RABGAP1L: variants seen among roughly 807,000 people sequenced by gnomAD.
RABGAP1L encodes rab GTPase-activating protein 1-like.
In RABGAP1L, 63 loss-of-function variants were observed where a neutral mutation model predicts 137.7. That is an observed-to-expected ratio of 0.46 (90% CI 0.37 to 0.56). The LOEUF (loss-of-function observed/expected upper bound fraction) is 0.56, where lower values mean the gene tolerates loss of function less well. Ranked by LOEUF, RABGAP1L falls within the 20% of genes least tolerant of loss-of-function variation. The pLI, the probability that RABGAP1L is intolerant of heterozygous loss-of-function variation, is 0.00. For synonymous variants in RABGAP1L, 431 were observed against 433.7 expected (o/e 0.99, Z 0.08); for missense variants, 1,095 against 1,244.0 (o/e 0.88, Z 1.80).
At chr1:174,988,924 G>A (rs149575940) in intron 25 of RABGAP1L, 86 bp downstream of exon 25, 6 of 1,216,274 alleles carry the variant, frequency 4.9e-6, no homozygotes, top group East Asian at 2.8e-5. Context: ...CACCTATCTA[G>A]GTCAGAATTG....
At chr1:174,358,996 C>T (rs1471768201) in intron 11 of RABGAP1L, among the ~76,000 whole-genome samples, 1 of 152,160 alleles carries the variant, frequency 6.6e-6, no homozygotes, top group Non-Finnish European at 1.5e-5. Flanking sequence ...CAGTATTTAA[C>T]CCAGCCAGAA....
chr1:174,548,724 A>G (rs191217765), intron 13 of RABGAP1L, among the ~76,000 whole-genome samples: 3 of 152,294 alleles, frequency 2.0e-5, no homozygotes, highest in African/African-American at 7.2e-5. Flanking sequence ...TTCAGATTCT[A>G]TATCCTTACC....
chr1:174,256,642 G>A (rs557486111), intron 7 of RABGAP1L, among the ~76,000 whole-genome samples: 10 of 152,270 alleles, frequency 6.6e-5, no homozygotes, highest in East Asian at 1.9e-4. Flanking sequence ...TTAGCTGGGC[G>A]TGGTGGCGGG....
chr1:174,780,106 A>T (rs1558070594), intron 18 of RABGAP1L, among the ~76,000 whole-genome samples: 1 of 94,060 alleles, frequency 1.1e-5, no homozygotes, highest in Non-Finnish European at 2.9e-5. Context: ...AAATAAATAA[A>T]TAAATAAATA....
At chr1:174,547,786 A>C in intron 13 of RABGAP1L, 2 of 1,423,006 alleles carry the variant, frequency 1.4e-6, no homozygotes, top group South Asian at 1.2e-5. Context: ...GCATCAGTTT[A>C]TTACCTATTA....
chr1:174,620,603 C>T (rs545388460), intron 13 of RABGAP1L, among the ~76,000 whole-genome samples: 72 of 152,190 alleles, frequency 4.7e-4, no homozygotes, highest in African/African-American at 1.5e-3. Context: ...AAAGACACAA[C>T]GTACCAGAAT....
intron 7 of RABGAP1L, among the ~76,000 whole-genome samples, chr1:174,259,691 A>G (rs1673416473): frequency 6.6e-6 from 1 of 152,218 alleles, no homozygotes; most frequent in Non-Finnish European, 1.5e-5. Context: ...TTGATTACCC[A>G]TGTTGGATAT....
intron 13 of RABGAP1L, among the ~76,000 whole-genome samples, chr1:174,585,576 C>T (rs1197620047): frequency 6.6e-6 from 1 of 152,178 alleles, no homozygotes; most frequent in Non-Finnish European, 1.5e-5. Context: ...CACATTTTTC[C>T]CATTATGAGT....
In RABGAP1L at chr1:174,283,624, A is replaced by T. The variant is rs372498494; in HGVS notation, c.1323+4845A>T. 2.8e-3 allele frequency among the ~76,000 whole-genome samples: 433 copies of T among 152,084 alleles called. 4 individuals carry two copies. The highest frequency in any genetic ancestry group is 0.01 in the African/African-American group (415 of 41,476). ...CAGGTTCCAGTGATTCTCCTGCCTC[A>T]GCCTCCCGAGTAGCTGGGACTACAG... On this transcript the variant is annotated intron_variant, in intron 10 of 25. Transcript: ENST00000681986.
intron 13 of RABGAP1L, among the ~76,000 whole-genome samples, chr1:174,498,294 T>G (rs1481938311): frequency 6.6e-6 from 1 of 152,130 alleles, no homozygotes. Flanking sequence ...TAACCATACG[T>G]GATTATGTTT....
chr1:174,635,854 A>G (rs1673972528), intron 13 of RABGAP1L, among the ~76,000 whole-genome samples: 2 of 152,236 alleles, frequency 1.3e-5, no homozygotes, highest in Non-Finnish European at 1.5e-5. Flanking sequence ...CTTAGAGCTA[A>G]TCAACCACCC....
At chr1:174,879,416 G>C (rs2149081946) in intron 19 of RABGAP1L, among the ~76,000 whole-genome samples, 1 of 151,204 alleles carries the variant, frequency 6.6e-6, no homozygotes, top group Middle Eastern at 3.4e-3. Flanking sequence ...TGTATTTTTA[G>C]TAGAGACGGT....
intron 10 of RABGAP1L, among the ~76,000 whole-genome samples, chr1:174,289,782 C>G (rs1018717933): frequency 6.6e-6 from 1 of 152,194 alleles, no homozygotes; most frequent in African/African-American, 2.4e-5. Context: ...GGCAGGCCCC[C>G]TGACTGGTAT....
At chr1:174,365,675 A>G (rs1684552719) in intron 11 of RABGAP1L, among the ~76,000 whole-genome samples, 1 of 152,086 alleles carries the variant, frequency 6.6e-6, no homozygotes, top group Admixed American at 6.6e-5. Flanking sequence ...AAAGTGTACA[A>G]ATTGCCTTTC....
At chr1:174,923,221 A>T (rs1662119629) in intron 19 of RABGAP1L, among the ~76,000 whole-genome samples, 1 of 152,176 alleles carries the variant, frequency 6.6e-6, no homozygotes, top group South Asian at 2.1e-4. Flanking sequence ...TATGCTTATA[A>T]TAGCACATGG....
At chr1:174,750,278 C>T (rs754712395) in intron 17 of RABGAP1L, among the ~76,000 whole-genome samples, 8 of 152,124 alleles carry the variant, frequency 5.3e-5, no homozygotes, top group Non-Finnish European at 7.3e-5. Context: ...AATGTTAATG[C>T]TGGTCAGTTG....
At chr1:174,449,823 A>G (rs1037455083) in intron 13 of RABGAP1L, among the ~76,000 whole-genome samples, 1 of 152,166 alleles carries the variant, frequency 6.6e-6, no homozygotes, top group African/African-American at 2.4e-5. Flanking sequence ...AACAAATAGA[A>G]ACAGTATTTT....
intron 13 of RABGAP1L, among the ~76,000 whole-genome samples, chr1:174,567,503 A>G (rs531470863): frequency 1.3e-5 from 2 of 152,348 alleles, no homozygotes; most frequent in African/African-American, 4.8e-5. Context: ...AAGGAAGAGT[A>G]TATTTTGTTA....
chr1:174,636,585 G>A (rs901827852), intron 13 of RABGAP1L, among the ~76,000 whole-genome samples: 13 of 151,576 alleles, frequency 8.6e-5, no homozygotes, highest in Admixed American at 8.6e-4. Flanking sequence ...CCTGTTTTGT[G>A]GAATCAGTTT....
Sources: allele counts gnomAD v4.1 joint callset (sites outside exome capture counted in the v4.1 genomes callset), GRCh38; gene constraint gnomAD v4.1.1; transcripts MANE v1.5; gene names NCBI Gene and HGNC (gene_info 2026-07-23, HGNC 2026-07-21).